NTM: variants seen among roughly 807,000 people sequenced by gnomAD.
The protein encoded by NTM is IgLON family member 2.
In NTM, 13 loss-of-function variants were observed where a neutral mutation model predicts 42.1. The ratio of observed to expected loss-of-function variants is 0.31; its 90% confidence interval spans 0.20 to 0.49. The LOEUF (loss-of-function observed/expected upper bound fraction) is 0.49. Among genes scored for constraint, NTM ranks in the 20% least tolerant of loss-of-function variants. The probability of loss-of-function intolerance (pLI) is 0.99; values close to 1 mark genes in which losing one functional copy is unlikely to be tolerated. For missense variants in NTM, 373 were observed against 452.8 expected (o/e 0.82, Z 1.60); for synonymous variants, 187 against 179.2 (o/e 1.04, Z -0.35).
intron 1 of NTM, among the ~76,000 whole-genome samples, chr11:131,420,977 C>T (rs760166542): frequency 1.3e-4 from 20 of 152,120 alleles, no homozygotes; most frequent in Non-Finnish European, 2.5e-4. Flanking sequence ...TTCTCCCTTG[C>T]CCTCTCATCT....
chr11:132,158,409 A>C (rs2073649267), intron 3 of NTM, among the ~76,000 whole-genome samples: 1 of 152,218 alleles, frequency 6.6e-6, no homozygotes, highest in Non-Finnish European at 1.5e-5. Context: ...CCAACCCCAC[A>C]TCATCACACC....
intron 1 of NTM, among the ~76,000 whole-genome samples, chr11:131,721,287 T>C (rs1273570269): frequency 1.3e-5 from 2 of 152,166 alleles, no homozygotes; most frequent in Admixed American, 6.5e-5. Context: ...GATTTTATCT[T>C]AGCACAATTG....
intron 4 of NTM, among the ~76,000 whole-genome samples, chr11:132,276,360 A>C (rs2093727205): frequency 1.3e-5 from 2 of 152,158 alleles, no homozygotes. Context: ...ATAGTCAATA[A>C]CGGGATTCTT....
At chr11:131,516,741 G>A (rs1304436548) in intron 1 of NTM, among the ~76,000 whole-genome samples, 1 of 152,198 alleles carries the variant, frequency 6.6e-6, no homozygotes, top group Non-Finnish European at 1.5e-5. Flanking sequence ...GGCATTGGAG[G>A]TGGAGGACTG....
At chr11:132,269,134 G>A (rs565214864) in intron 4 of NTM, among the ~76,000 whole-genome samples, 1 of 152,242 alleles carries the variant, frequency 6.6e-6, no homozygotes, top group South Asian at 2.1e-4. Context: ...TCAGGAGAAA[G>A]GGCATGATAT....
chr11:131,739,903 C>T (rs2080965154), intron 1 of NTM, among the ~76,000 whole-genome samples: 1 of 152,184 alleles, frequency 6.6e-6, no homozygotes, highest in Admixed American at 6.5e-5. Context: ...CTCAAAATGA[C>T]AGGGAAACAC....
At chr11:131,774,107 C>G in intron 1 of NTM, 1 of 985,218 alleles carries the variant, frequency 1.0e-6, no homozygotes, top group Non-Finnish European at 1.2e-6. Flanking sequence ...TTCCACCAAG[C>G]TTACAGTACT....
At chr11:131,710,032 G>T (rs1461897723) in intron 1 of NTM, among the ~76,000 whole-genome samples, 1 of 152,282 alleles carries the variant, frequency 6.6e-6, no homozygotes, top group South Asian at 2.1e-4. Context: ...ACACACACTG[G>T]ATTAGCAATG....
intron 1 of NTM, among the ~76,000 whole-genome samples, chr11:131,882,695 G>A (rs754689326): frequency 2.0e-5 from 3 of 152,090 alleles, no homozygotes; most frequent in Non-Finnish European, 2.9e-5. Flanking sequence ...TCACAATTCC[G>A]GTGAGGAATG....
At chr11:131,732,272 G>A (rs551882829) in intron 1 of NTM, among the ~76,000 whole-genome samples, 9 of 152,090 alleles carry the variant, frequency 5.9e-5, no homozygotes, top group South Asian at 2.1e-4. Context: ...GTAAATATTC[G>A]CTTCTCTCTT....
rs377739708 is a variant in NTM at position 131,432,839 on chromosome 11, C to CTTTTTTTTTT, written c.82+61974_82+61983dup. Among the ~76,000 whole-genome samples the CTTTTTTTTTT allele has an allele frequency of 9.9e-4, 68 of 68,698 alleles. 6 individuals are homozygous for CTTTTTTTTTT. The highest frequency in any genetic ancestry group is 1.3e-3 in the African/African-American group (21 of 16,092). 45.1% of individuals were successfully genotyped at this position (68,698 alleles called of 152,430 possible). On this transcript the variant is annotated intron_variant, in intron 1 of 8. Transcript: ENST00000683400. ...CTACAAAAGATGAAGATTTAGCATT[C>CTTTTTTTTTT]TTTTTTTTTTTTTTTTTTTTTTTTT...
At chr11:131,573,277 T>C (rs911578870) in intron 1 of NTM, among the ~76,000 whole-genome samples, 3 of 151,524 alleles carry the variant, frequency 2.0e-5, no homozygotes. Context: ...GCTCTGCTTA[T>C]TTGTCATTGT....
chr11:132,314,472 GGAATCCCTGGGCCTATCTT>G (rs2095370172), intron 6 of NTM, 61 bp from the exon 7 acceptor site: 1 of 1,466,842 alleles, frequency 6.8e-7, no homozygotes, highest in South Asian at 1.4e-5. Context: ...GAGAAGACCA[GGAATCCCTGGGCCTATCTT>G]CTTCCTATGA....
chr11:131,430,648 G>T (rs1340057834), intron 1 of NTM, among the ~76,000 whole-genome samples: 2 of 152,220 alleles, frequency 1.3e-5, no homozygotes, highest in African/African-American at 4.8e-5. Context: ...CCTGAAAGTT[G>T]CATCATGTTC....
At chr11:131,371,488 GT>G (rs1284727893) in intron 1 of NTM, among the ~76,000 whole-genome samples, 1 of 152,182 alleles carries the variant, frequency 6.6e-6, no homozygotes, top group Non-Finnish European at 1.5e-5. Flanking sequence ...GGGGTCGGAG[GT>G]GTGGAAGCGA....
At position 131,417,621 on chromosome 11, in the gene NTM, C is replaced by T. The variant is rs115848757; in HGVS notation, c.82+46733C>T. The stretch of plus-strand genomic sequence containing the variant: ...TGCTGGATGAAATTATTGATTTAGA[C>T]GGAAAATGACACGTTCATTATTTTA... On this transcript the variant is annotated intron_variant, in intron 1 of 8. Transcript: ENST00000683400. Among the ~76,000 whole-genome samples, 1,487 of 152,166 alleles carry T rather than the reference C, an allele frequency of 9.8e-3. 28 individuals carry two copies. The highest frequency in any genetic ancestry group is 0.034 in the African/African-American group (1,423 of 41,526).
chr11:131,632,355 C>A (rs569841646), intron 1 of NTM, among the ~76,000 whole-genome samples: 2 of 152,262 alleles, frequency 1.3e-5, no homozygotes, highest in African/African-American at 4.8e-5. Flanking sequence ...ATTTGTTAGT[C>A]CTAAAATGGT....
At chr11:131,799,161 A>T (rs1237662076) in intron 1 of NTM, among the ~76,000 whole-genome samples, 5 of 152,238 alleles carry the variant, frequency 3.3e-5, no homozygotes, top group African/African-American at 1.2e-4. Flanking sequence ...AATCAAGAGT[A>T]TACATCTTGA....
chr11:131,463,136 A>T (rs371667449), intron 1 of NTM, among the ~76,000 whole-genome samples: 14 of 152,220 alleles, frequency 9.2e-5, no homozygotes, highest in African/African-American at 2.6e-4. Context: ...TTCTGGAAAA[A>T]GATTATAAAA....
Sources: gnomAD v4.1 joint callset for allele counts (sites outside exome capture counted in the v4.1 genomes callset) on GRCh38, gnomAD v4.1.1 for gene constraint, MANE v1.5 for transcripts, NCBI Gene and HGNC (gene_info 2026-07-23, HGNC 2026-07-21) for gene names.